The following C1GALT1 variants were observed in gnomAD, a reference collection of about 807,000 sequenced individuals.
C1GALT1 encodes the protein core 1 synthase, glycoprotein-N-acetylgalactosamine 3-beta-galactosyltransferase 1, also known as glycoprotein-N-acetylgalactosamine 3-beta-galactosyltransferase 1.
Under a neutral mutation model 31.0 loss-of-function variants are expected in C1GALT1, and 11 were observed. The ratio of observed to expected loss-of-function variants is 0.36; its 90% CI spans 0.22 to 0.59. The LOEUF (loss-of-function observed/expected upper bound fraction) is 0.59, where lower values mean the gene tolerates loss of function less well. Ranked by LOEUF, C1GALT1 falls within the 20% of genes least tolerant of loss-of-function variation. C1GALT1 has a pLI of 0.79. For synonymous variants in C1GALT1, 175 were observed against 143.6 expected, an observed-to-expected ratio of 1.22 and a Z score of -1.56; for missense variants, 424 against 425.2, an observed-to-expected ratio of 1.00 and a Z score of 0.03.
intron 1 of C1GALT1, among the ~76,000 whole-genome samples, chr7:7,209,262 A>G (rs1175261289): frequency 6.6e-6 from 1 of 152,258 alleles, no homozygotes; most frequent in East Asian, 1.9e-4. Flanking sequence ...CTGCATATAA[A>G]AAGTGATTGA....
chr7:7,203,388 T>G (rs1388973876), intron 1 of C1GALT1, among the ~76,000 whole-genome samples: 4 of 152,126 alleles, frequency 2.6e-5, no homozygotes, highest in Non-Finnish European at 4.4e-5. Flanking sequence ...TCGTGAGTGT[T>G]TATATCATGA....
chr7:7,239,130 G>A (rs982380599), intron 3 of C1GALT1, among the ~76,000 whole-genome samples: 10 of 152,340 alleles, frequency 6.6e-5, no homozygotes, highest in Non-Finnish European at 1.3e-4. Flanking sequence ...TATTGATGCT[G>A]TTATATGCCA....
At chr7:7,215,810 C>T (rs576369678) in intron 1 of C1GALT1, among the ~76,000 whole-genome samples, 2 of 152,102 alleles carry the variant, frequency 1.3e-5, no homozygotes, top group East Asian at 1.9e-4. Context: ...AACATCCTCC[C>T]GTGTGAGGTT....
chr7:7,179,551 C>G (rs1780545746), upstream of C1GALT1, among the ~76,000 whole-genome samples: 1 of 152,106 alleles, frequency 6.6e-6, no homozygotes, highest in Non-Finnish European at 1.5e-5. Flanking sequence ...CTCATTCTGT[C>G]TATTAAAAAA....
intron 1 of C1GALT1, among the ~76,000 whole-genome samples, chr7:7,229,314 TAGTG>T (rs935347072): frequency 4.6e-5 from 7 of 152,130 alleles, no homozygotes; most frequent in Admixed American, 2.6e-4. Flanking sequence ...GGCAAAGTGT[TAGTG>T]AGAGAATCAG....
intron 1 of C1GALT1, among the ~76,000 whole-genome samples, chr7:7,195,336 C>T (rs1781237834): frequency 6.6e-6 from 1 of 152,180 alleles, no homozygotes; most frequent in South Asian, 2.1e-4. Context: ...TTTAGCACCA[C>T]TTTTGCTTTA....
At chr7:7,234,253 A>T (rs1487147333) in intron 1 of C1GALT1, 50 bp from the exon 2 acceptor site, 1 of 1,342,790 alleles carries the variant, frequency 7.4e-7, no homozygotes, top group Non-Finnish European at 1.0e-6. Flanking sequence ...TACTCCGGTT[A>T]TGTATACAGC....
chr7:7,203,900 A>G (rs1781620310), intron 1 of C1GALT1, among the ~76,000 whole-genome samples: 1 of 152,112 alleles, frequency 6.6e-6, no homozygotes. Flanking sequence ...ATAGAATACA[A>G]TAACTTATTT....
upstream of C1GALT1, among the ~76,000 whole-genome samples, chr7:7,179,822 C>T (rs990527276): frequency 7.0e-6 from 1 of 143,358 alleles, no homozygotes; most frequent in African/African-American, 2.6e-5. Flanking sequence ...TGAAATATGG[C>T]TGTTCTACCT....
rs572639292 is a variant in C1GALT1 at position 7,169,034 on chromosome 7, C to T, written c.-18+11608C>T. Among the ~76,000 whole-genome samples the T allele has an allele frequency of 3.9e-5, 6 of 152,272 alleles. No individual in the cohort carries two copies. In the South Asian group the frequency reaches 8.3e-4, roughly 21 times the overall value. On this transcript the variant is annotated intron_variant, in intron 2 of 3. Transcript: ENST00000429911. ...CATTAAGCAATAACACTCCCTTATC[C>T]CCTCCACCTTTAACCTATTTTCTGT...
At chr7:7,214,018 T>C (rs28883357) in intron 1 of C1GALT1, among the ~76,000 whole-genome samples, 14,384 of 152,226 alleles carry the variant, frequency 0.094, 824 homozygotes, top group East Asian at 0.16. Flanking sequence ...TAGGGATGTT[T>C]CCTTATCTTC....
At chr7:7,211,211 C>G (rs575519757) in intron 1 of C1GALT1, among the ~76,000 whole-genome samples, 2 of 152,162 alleles carry the variant, frequency 1.3e-5, no homozygotes, top group East Asian at 3.9e-4. Context: ...GATATCAATA[C>G]AAGACATATA....
chr7:7,207,385 C>G (rs1022461256), intron 1 of C1GALT1, among the ~76,000 whole-genome samples: 2 of 102,322 alleles, frequency 2.0e-5, no homozygotes, highest in Non-Finnish European at 3.7e-5. Flanking sequence ...CTCTGTTGCT[C>G]AGGCTGGACT....
chr7:7,243,857 A>G lies in C1GALT1; in HGVS notation c.*130A>G. 1 of 640,714 alleles carries G rather than the reference A, an allele frequency of 1.6e-6. No individual in the cohort carries two copies. The highest frequency in any genetic ancestry group is 2.6e-6 in the Non-Finnish European group (1 of 386,884). 39.7% of individuals were successfully genotyped at this position (640,714 alleles called of 1,614,324 possible). A position where few individuals can be genotyped will look rare whatever the true frequency, so the allele number is the denominator to read the frequency against. ...TGAACATTCCTTATAGAAACCTTTCACATGAATGACTATAAACTGAAGCTT... is the reference window on the plus strand; with the variant it reads ...TGAACATTCCTTATAGAAACCTTTCGCATGAATGACTATAAACTGAAGCTT... On this transcript the variant is annotated 3_prime_UTR_variant, in exon 4 of 4. Coordinates refer to ENST00000436587, the MANE Select transcript of C1GALT1 (RefSeq NM_020156.5).
chr7:7,215,453 T>G (rs1782194061), intron 1 of C1GALT1, among the ~76,000 whole-genome samples: 1 of 145,332 alleles, frequency 6.9e-6, no homozygotes, highest in Non-Finnish European at 1.5e-5. Flanking sequence ...TGCCAGCATA[T>G]CAGGCTTCTG....
At chr7:7,192,179 G>T (rs899793448) in intron 1 of C1GALT1, among the ~76,000 whole-genome samples, 1 of 151,706 alleles carries the variant, frequency 6.6e-6, no homozygotes, top group African/African-American at 2.4e-5. Flanking sequence ...TGGGGAACAG[G>T]TGGTGTTGGG....
intron 1 of C1GALT1, among the ~76,000 whole-genome samples, chr7:7,232,259 G>A (rs1783108969): frequency 6.6e-6 from 1 of 152,140 alleles, no homozygotes; most frequent in African/African-American, 2.4e-5. Flanking sequence ...GCACTTGGTT[G>A]TACTAAAAGA....
chr7:7,240,943 A>T (rs1177531764), intron 3 of C1GALT1, among the ~76,000 whole-genome samples: 2 of 152,082 alleles, frequency 1.3e-5, no homozygotes, highest in Non-Finnish European at 2.9e-5. Context: ...GGTAAAAGAT[A>T]TTCTAATTCA....
At chr7:7,162,909 G>A (rs1486341033) in intron 2 of C1GALT1, among the ~76,000 whole-genome samples, 3 of 152,144 alleles carry the variant, frequency 2.0e-5, no homozygotes, top group Non-Finnish European at 4.4e-5. Context: ...CTGCATAAAT[G>A]TCTTCTTTTG....
Sources: allele counts gnomAD v4.1 joint callset (sites outside exome capture counted in the v4.1 genomes callset), GRCh38; gene constraint gnomAD v4.1.1; transcripts MANE v1.5; gene names NCBI Gene and HGNC (gene_info 2026-07-23, HGNC 2026-07-21).